Variants in ZNF865 observed in about 807,000 individuals in gnomAD.
ZNF865 encodes the protein zinc finger protein 865.
For synonymous variants in ZNF865, 763 were observed against 750.8 expected (o/e 1.02, Z -0.27); for missense variants, 1,311 against 1,593.4 (o/e 0.82, Z 3.02).
At position 55,615,109 on chromosome 19, in the gene ZNF865, C is replaced by T. The variant is rs1981301803; in HGVS notation, c.1491C>T (p.Asp497=). The T allele has an allele frequency of 3.3e-6, 4 of 1,200,818 alleles. No homozygotes were observed. In the African/African-American group the frequency reaches 4.9e-5, roughly 15 times the overall value. 74.4% of individuals were successfully genotyped at this position (1,200,818 alleles called of 1,614,324 possible). The change falls in exon 2 of 2, where the codon GAC becomes GAT. Residue 497 remains aspartate, a synonymous_variant. Transcript: ENST00000568956. The part of the protein sequence containing the change: ...FPPGPYLLPP[D]PPTTDSEKAA... ...CGGGCCCGTACCTCCTGCCCCCCGA[C>T]CCTCCCACCACAGACAGCGAGAAGG...
Position 55,614,566 on chromosome 19 carries a change from T to G in ZNF865, c.948T>G (p.Pro316=). The G allele has an allele frequency of 6.7e-7, 1 of 1,486,788 alleles. No homozygotes were observed. Among genetic ancestry groups the G allele is most frequent in the Non-Finnish European group, 8.9e-7 (1 of 1,126,014 alleles). The allele number at this position is 1,486,788 out of a possible 1,614,324, so 92.1% of individuals were successfully genotyped here. The change falls in exon 2 of 2, where the codon CCT becomes CCG. Residue 316 remains proline (P), a synonymous_variant. Coordinates refer to ENST00000568956, the MANE Select transcript of ZNF865 (RefSeq NM_001195605.2). This position sits in a 1 kb window ranked among gnomAD's most constrained non-coding sequence, Gnocchi z 8.0. ...AAAPSTVSSG[P]PATPVAPAPS... ...CCCCCTCCACGGTGTCCTCGGGCCC[T>G]CCAGCCACGCCCGTGGCGCCTGCCC... is the stretch of plus-strand genomic sequence containing the variant.
chr19:55,615,250 C>G lies in ZNF865; in HGVS notation c.1632C>G (p.Ser544Arg). 1 of 1,515,372 alleles carries G rather than the reference C, an allele frequency of 6.6e-7. No individual in the cohort carries two copies. Among genetic ancestry groups the G allele is most frequent in the Non-Finnish European group, 8.8e-7 (1 of 1,139,192 alleles). 93.9% of individuals were successfully genotyped at this position (1,515,372 alleles called of 1,614,324 possible). ...GTSGAGGSGA[S>R]VPGKTFCCGI... Reference sequence around the variant, plus strand: ...GCGGGGCGGGAGGCTCGGGCGCCAGCGTCCCAGGAAAGACGTTCTGCTGCG... The same window carrying G: ...GCGGGGCGGGAGGCTCGGGCGCCAGGGTCCCAGGAAAGACGTTCTGCTGCG... Residue 544 changes from serine (S) to arginine (R), a missense_variant, in exon 2 of 2, where the codon AGC becomes AGG. Physicochemically the swap from Ser to Arg is moderately radical, Grantham distance 110. Transcript: ENST00000568956.
chr19:55,613,677 G>A lies in ZNF865; in HGVS notation c.59G>A (p.Gly20Asp), dbSNP rs1314583216. Residue 20 changes from glycine to aspartate, a missense_variant, in exon 2 of 2, where the codon GGC becomes GAC. Physicochemically the swap from Gly to Asp is moderately conservative, Grantham distance 94. Transcript: ENST00000568956. ...GGTGGCGGGAGCAGCGGCATCGGGGGCGAGGACGGGGTGCACTTCCAGAGC... is the reference window on the plus strand; with the variant it reads ...GGTGGCGGGAGCAGCGGCATCGGGGACGAGGACGGGGTGCACTTCCAGAGC... ...AGGGGSSGIG[G>D]EDGVHFQSYP... The A allele has an allele frequency of 1.3e-6, 2 of 1,532,252 alleles. No homozygotes were observed. Among genetic ancestry groups the A allele is most frequent in the Non-Finnish European group, 1.7e-6 (2 of 1,145,262 alleles). The allele number at this position is 1,532,252 out of a possible 1,614,324, so 94.9% of individuals were successfully genotyped here.
intron 1 of ZNF865, among the ~76,000 whole-genome samples, chr19:55,607,592 G>A (rs975167912): frequency 3.3e-5 from 5 of 152,258 alleles, no homozygotes; most frequent in Non-Finnish European, 2.9e-5. Context: ...GTATATGTGC[G>A]TGTTCAGAAT....
In ZNF865 at chr19:55,614,480, G is replaced by A. The variant is rs1181331874; in HGVS notation, c.862G>A (p.Gly288Ser). 4.7e-6 allele frequency: 4 copies of A among 844,458 alleles called. No homozygotes were observed. The highest frequency in any genetic ancestry group is 3.8e-5 in the South Asian group (2 of 53,202). 52.3% of individuals were successfully genotyped at this position (844,458 alleles called of 1,614,324 possible). ...PPAAGGPPQP[G>S]PHLPPLGLPA... ...GGCCGCGGGGGGCCCGCCCCAGCCC[G>A]GCCCCCACCTCCCGCCGCTGGGCCT... is the stretch of plus-strand genomic sequence containing the variant. The change falls in exon 2 of 2, where the codon GGC (glycine) becomes AGC (serine). Residue 288 changes from glycine to serine, a missense_variant. Gly to Ser is a moderately conservative substitution (Grantham distance 56, BLOSUM62 0). Coordinates refer to ENST00000568956, the MANE Select transcript of ZNF865 (RefSeq NM_001195605.2). This position sits in a 1 kb window ranked among gnomAD's most constrained non-coding sequence, Gnocchi z 8.0.
chr19:55,616,449 G>A lies in ZNF865; in HGVS notation c.2831G>A (p.Arg944His). 6.5e-7 allele frequency: 1 copy of A among 1,529,060 alleles called. No individual in the cohort carries two copies. The highest frequency in any genetic ancestry group is 8.7e-7 in the Non-Finnish European group (1 of 1,143,558). 94.7% of individuals were successfully genotyped at this position (1,529,060 alleles called of 1,614,324 possible). Residue 944 changes from arginine to histidine, a missense_variant, in exon 2 of 2, where the codon CGC (arginine) becomes CAC (histidine). Physicochemically the swap from Arg to His is conservative, Grantham distance 29 (BLOSUM62 0). Transcript: ENST00000568956. ...CSACGKTFRY[R>H]SNLLEHQRLH... ...GCCTGTGGCAAGACCTTCCGCTACC[G>A]CTCCAACCTGCTGGAGCACCAGCGG...
Position 55,616,832 on chromosome 19 carries a change from C to T in ZNF865, c.*34C>T. 2.8e-6 allele frequency: 4 copies of T among 1,432,646 alleles called. No homozygotes were observed. Among genetic ancestry groups the T allele is most frequent in the Middle Eastern group, 2.2e-4 (1 of 4,558 alleles). 88.7% of individuals were successfully genotyped at this position (1,432,646 alleles called of 1,614,324 possible). On this transcript the variant is annotated 3_prime_UTR_variant, in exon 2 of 2. Transcript: ENST00000568956. ...TTCCCATCCCACTCCCATCAAAAGCCCCCTTCTGGACTCCCACCTCCCAGG... is the reference window on the plus strand; with the variant it reads ...TTCCCATCCCACTCCCATCAAAAGCTCCCTTCTGGACTCCCACCTCCCAGG...
intron 1 of ZNF865, among the ~76,000 whole-genome samples, chr19:55,610,234 T>G (rs893054739): frequency 6.6e-6 from 1 of 152,224 alleles, no homozygotes; most frequent in African/African-American, 2.4e-5. Context: ...TCATTTTCAT[T>G]AATTGCTAAG....
chr19:55,615,055 G>C lies in ZNF865; in HGVS notation c.1437G>C (p.Ser479=). The change falls in exon 2 of 2, where the codon TCG becomes TCC. Residue 479 remains serine, a synonymous_variant. Coordinates refer to ENST00000568956, the MANE Select transcript of ZNF865 (RefSeq NM_001195605.2). ...AAEAPKDGAA[S]APQPPPTFPP... is the part of the protein sequence containing the mutation. ...AGGCGCCCAAGGACGGGGCGGCCTC[G>C]GCCCCGCAGCCCCCGCCCACCTTCC... 1 of 1,237,528 alleles carries C rather than the reference G, an allele frequency of 8.1e-7. No individual in the cohort carries two copies. Among genetic ancestry groups the C allele is most frequent in the Non-Finnish European group, 1.0e-6 (1 of 988,014 alleles). The allele number at this position is 1,237,528 out of a possible 1,614,324, so 76.7% of individuals were successfully genotyped here.
chr19:55,613,577 G>T lies in ZNF865; in HGVS notation c.-26-16G>T. The stretch of plus-strand genomic sequence containing the variant: ...GCGCCGCGGCCGTGTCCTCAGCCCC[G>T]TCCTCCTCTTCACAGGGTCTCCCGT... On this transcript the variant is annotated splice_polypyrimidine_tract_variant and intron_variant, in intron 1 of 1. Transcript: ENST00000568956. The T allele has an allele frequency of 1.3e-6, 2 of 1,484,042 alleles. No individual in the cohort carries two copies. Among genetic ancestry groups the T allele is most frequent in the Non-Finnish European group, 8.9e-7 (1 of 1,122,142 alleles). 91.9% of individuals were successfully genotyped at this position (1,484,042 alleles called of 1,614,324 possible).
chr19:55,606,109 A>G (rs527303789), intron 1 of ZNF865, among the ~76,000 whole-genome samples: 2 of 151,858 alleles, frequency 1.3e-5, no homozygotes, highest in South Asian at 4.2e-4. Flanking sequence ...CTGCTCGTGA[A>G]CCCTCTTATT....
rs1225052295 is a variant in ZNF865, at chr19:55,614,926, G to A, written c.1308G>A (p.Gly436=). ...CCCACGCGGGGGCGGGCGCCGGGGG[G>A]CCTCGGCCCGTGTACCCCTGCGACC... is the stretch of plus-strand genomic sequence containing the variant. ...QAAHAGAGAG[G]PRPVYPCDLC... The change falls in exon 2 of 2, where the codon GGG becomes GGA. Residue 436 remains glycine (G), a synonymous_variant. Transcript: ENST00000568956. This position sits in a 1 kb window ranked among gnomAD's most constrained non-coding sequence, Gnocchi z 8.0. 2.0e-6 allele frequency: 3 copies of A among 1,485,688 alleles called. No individual in the cohort carries two copies. The highest frequency in any genetic ancestry group is 1.4e-5 in the African/African-American group (1 of 70,648). The allele number at this position is 1,485,688 out of a possible 1,614,324, so 92.0% of individuals were successfully genotyped here. A position where few individuals can be genotyped will look rare whatever the true frequency, so the allele number is the denominator to read the frequency against.
rs938012088 is a variant in ZNF865 at position 55,614,608 on chromosome 19, C to T, written c.990C>T (p.Ser330=). 310 of 1,525,086 alleles carry T rather than the reference C, an allele frequency of 2.0e-4. No homozygotes were observed. Among genetic ancestry groups the T allele is most frequent in the Non-Finnish European group, 2.6e-4 (302 of 1,141,758 alleles). The allele number at this position is 1,525,086 out of a possible 1,614,324, so 94.5% of individuals were successfully genotyped here. A position where few individuals can be genotyped will look rare whatever the true frequency, so the allele number is the denominator to read the frequency against. ...PVAPAPSADG[S]AAPAGVGVPP... is the part of the protein sequence containing the mutation. ...CGCCTGCCCCCTCCGCAGACGGGAGCGCCGCCCCTGCTGGTGTTGGGGTGC... is the reference window on the plus strand; with the variant it reads ...CGCCTGCCCCCTCCGCAGACGGGAGTGCCGCCCCTGCTGGTGTTGGGGTGC... Residue 330 remains serine (S), a synonymous_variant, in exon 2 of 2, where the codon AGC becomes AGT. Transcript: ENST00000568956. This position sits in a 1 kb window ranked among gnomAD's most constrained non-coding sequence, Gnocchi z 8.0.
Position 55,615,203 on chromosome 19 carries a change from C to T in ZNF865, c.1585C>T (p.Leu529=), listed in dbSNP as rs2123592998. The T allele has an allele frequency of 7.0e-7, 1 of 1,432,978 alleles. No homozygotes were observed. The allele number at this position is 1,432,978 out of a possible 1,614,324, so 88.8% of individuals were successfully genotyped here. A position where few individuals can be genotyped will look rare whatever the true frequency, so the allele number is the denominator to read the frequency against. Residue 529 remains leucine, a synonymous_variant, in exon 2 of 2, where the codon CTG becomes TTG. Transcript: ENST00000568956. ...CCCGCTCCTGGGCGCCCACCCGCTG[C>T]TGCTCGGCGGCGCGGGGACCAGCGG... ...PVPLLGAHPL[L]LGGAGTSGAG... is the part of the protein sequence containing the mutation.
rs1362233007 is a variant in ZNF865 at position 55,616,791 on chromosome 19, A to T, written c.3173A>T (p.Asp1058Val). ...GGGGCGGGCACCTTGGCCGGGAAGG[A>T]TGCCTGACCGAGGGGTTCCCATCCC... Reference protein sequence around the residue: ...GAGAGTLAGKDA With the variant: ...GAGAGTLAGKVA Residue 1058 changes from aspartate (D) to valine (V), a missense_variant, in exon 2 of 2, where the codon GAT becomes GTT. Transcript: ENST00000568956. 1 of 1,442,410 alleles carries T rather than the reference A, an allele frequency of 6.9e-7. No homozygotes were observed. The highest frequency in any genetic ancestry group is 2.5e-5 in the East Asian group (1 of 39,690). The allele number at this position is 1,442,410 out of a possible 1,614,324, so 89.4% of individuals were successfully genotyped here.
chr19:55,613,167 G>T, intron 1 of ZNF865: 1 of 161,670 alleles, frequency 6.2e-6, no homozygotes, highest in Non-Finnish European at 1.3e-5. Context: ...GGGAGGTGGA[G>T]GCTGGAGGAT....
rs1568527343 is a variant in ZNF865, at chr19:55,616,738, G to C, written c.3120G>C (p.Lys1040Asn). The change falls in exon 2 of 2, where the codon AAG becomes AAC. Residue 1040 changes from lysine to asparagine, a missense_variant. Lys to Asn is a moderately conservative substitution (Grantham distance 94, BLOSUM62 0). Transcript: ENST00000568956. ...TCAAGAAACACCGCCTGGCGCACAA[G>C]GCCGAGAACCTCGGGGGGCCTGGAG... ...YGLKKHRLAH[K>N]AENLGGPGAG... 7 of 1,494,978 alleles carry C rather than the reference G, an allele frequency of 4.7e-6. No individual in the cohort carries two copies. The highest frequency in any genetic ancestry group is 4.4e-6 in the Non-Finnish European group (5 of 1,127,238). 92.6% of individuals were successfully genotyped at this position (1,494,978 alleles called of 1,614,324 possible). A position where few individuals can be genotyped will look rare whatever the true frequency, so the allele number is the denominator to read the frequency against.
chr19:55,606,123 A>G (rs999025201), intron 1 of ZNF865, among the ~76,000 whole-genome samples: 20 of 151,702 alleles, frequency 1.3e-4, no homozygotes, highest in Admixed American at 1.2e-3. Flanking sequence ...TCTTATTAGT[A>G]TCCTCTATAT....
intron 1 of ZNF865, among the ~76,000 whole-genome samples, chr19:55,608,763 C>G (rs1286297898): frequency 1.3e-5 from 2 of 152,162 alleles, no homozygotes; most frequent in African/African-American, 2.4e-5. Context: ...CATAAGGCAC[C>G]TAAGTACAAT....
Sources: allele counts gnomAD v4.1 joint callset (sites outside exome capture counted in the v4.1 genomes callset), GRCh38; gene constraint gnomAD v4.1.1; non-coding constraint Gnocchi (gnomAD v3.1); transcripts MANE v1.5; gene names NCBI Gene and HGNC (gene_info 2026-07-23, HGNC 2026-07-21).